The following ZNF618 variants were observed in gnomAD, a reference collection of about 807,000 sequenced individuals.
ZNF618 encodes the protein neural precursor cell expressed, developmentally down-regulated 10.
In ZNF618, 34 loss-of-function variants were observed where a neutral mutation model predicts 103.0. That is an observed-to-expected ratio of 0.33 (90% CI 0.25 to 0.44). The LOEUF (loss-of-function observed/expected upper bound fraction) is 0.44, where lower values mean the gene tolerates loss of function less well. ZNF618 is among the 20% of genes least tolerant of loss of function. The probability of loss-of-function intolerance (pLI) is 1.00; values close to 1 mark genes in which losing one functional copy is unlikely to be tolerated. For synonymous variants in ZNF618, 551 were observed against 542.2 expected, an observed-to-expected ratio of 1.02 and a Z score of -0.23; for missense variants, 1,059 against 1,295.4, an observed-to-expected ratio of 0.82 and a Z score of 2.80.
chr9:113,909,910 G>A (rs549074002), intron 1 of ZNF618, among the ~76,000 whole-genome samples: 2 of 151,902 alleles, frequency 1.3e-5, no homozygotes, highest in South Asian at 2.1e-4. Context: ...TCAGCCTCCC[G>A]AGTAGCTGGG....
chr9:113,882,509 A>G (rs1398156460), intron 1 of ZNF618, among the ~76,000 whole-genome samples: 1 of 152,212 alleles, frequency 6.6e-6, no homozygotes, highest in Non-Finnish European at 1.5e-5. Flanking sequence ...ATTAAGTCCC[A>G]CTGACAACAC....
At chr9:113,879,318 C>T (rs1828264438) in intron 1 of ZNF618, among the ~76,000 whole-genome samples, 1 of 150,032 alleles carries the variant, frequency 6.7e-6, no homozygotes, top group Non-Finnish European at 1.5e-5. Flanking sequence ...TTCCATTCTG[C>T]TGAAATTTTG....
Position 114,049,795 on chromosome 9 carries a change from G to A in ZNF618, c.2493G>A (p.Glu831=). 6.2e-7 allele frequency: 1 copy of A among 1,614,018 alleles called. No individual in the cohort carries two copies. Among genetic ancestry groups the A allele is most frequent in the African/African-American group, 1.3e-5 (1 of 75,078 alleles). ...QHEEIIGKVC[E]LINEVKESWA... is the part of the protein sequence containing the mutation. ...AGGAGATCATCGGCAAGGTCTGTGA[G>A]CTCATCAACGAGGTGAAGGAGTCCT... Residue 831 remains glutamate, a synonymous_variant, in exon 15 of 15, where the codon GAG becomes GAA. Transcript: ENST00000374126.
intron 1 of ZNF618, among the ~76,000 whole-genome samples, chr9:113,891,665 T>C (rs1829627837): frequency 6.6e-6 from 1 of 152,230 alleles, no homozygotes; most frequent in Non-Finnish European, 1.5e-5. Context: ...CACCCATGTT[T>C]ATTGCAGCAT....
intron 13 of ZNF618, among the ~76,000 whole-genome samples, chr9:114,040,422 T>A (rs900952201): frequency 4.2e-4 from 64 of 152,042 alleles, no homozygotes; most frequent in Non-Finnish European, 7.8e-4. Flanking sequence ...ATGTGCCAGG[T>A]TGGTGTGCTG....
Position 114,027,698 on chromosome 9 carries a change from G to A in ZNF618, c.845-1035G>A, listed in dbSNP as rs183033818. The stretch of plus-strand genomic sequence containing the variant: ...AGGACGGACGCTGTCTTAGGAGCAG[G>A]GAGATAATGGGGCCTGCCTCCACCT... On this transcript the variant is annotated intron_variant, in intron 10 of 14. Transcript: ENST00000374126. Among the ~76,000 whole-genome samples the A allele has an allele frequency of 3.4e-3, 518 of 152,294 alleles. 7 individuals are homozygous for A. The highest frequency in any genetic ancestry group is 5.4e-3 in the Non-Finnish European group (366 of 68,026).
chr9:113,883,632 T>C (rs1828734964), intron 1 of ZNF618, among the ~76,000 whole-genome samples: 1 of 152,202 alleles, frequency 6.6e-6, no homozygotes, highest in Admixed American at 6.5e-5. Flanking sequence ...AACCTTCTGT[T>C]TCTTGGCTTA....
chr9:114,014,938 T>C (rs7864263), intron 9 of ZNF618, among the ~76,000 whole-genome samples: 147,639 of 152,258 alleles, frequency 0.97, 71,683 homozygotes, highest in Non-Finnish European at 1. Flanking sequence ...TCCCATGAGC[T>C]TTTAGGTATC....
chr9:114,009,839 T>C (rs1842079550), intron 9 of ZNF618, among the ~76,000 whole-genome samples: 2 of 151,980 alleles, frequency 1.3e-5, no homozygotes, highest in South Asian at 4.2e-4. Flanking sequence ...CTCCCCCAAA[T>C]GCTTTTTCTT....
intron 1 of ZNF618, among the ~76,000 whole-genome samples, chr9:113,927,749 C>T (rs1006881008): frequency 5.3e-5 from 8 of 152,208 alleles, no homozygotes; most frequent in Non-Finnish European, 8.8e-5. Context: ...CCCTTGAGGG[C>T]AGGCTTTTGT....
chr9:114,038,926 G>A (rs1844873071), intron 13 of ZNF618, among the ~76,000 whole-genome samples: 1 of 152,182 alleles, frequency 6.6e-6, no homozygotes, highest in Non-Finnish European at 1.5e-5. Context: ...CTTGTTCTAA[G>A]ACTTTTACAT....
intron 14 of ZNF618, among the ~76,000 whole-genome samples, 171 bp from the exon 15 acceptor site, chr9:114,048,480 T>C (rs1362296293): frequency 6.6e-6 from 1 of 152,252 alleles, no homozygotes; most frequent in Non-Finnish European, 1.5e-5. Context: ...CATAGAACTT[T>C]ATCCCTGTGA....
intron 1 of ZNF618, among the ~76,000 whole-genome samples, chr9:113,942,813 C>T (rs935702596): frequency 6.6e-6 from 1 of 152,156 alleles, no homozygotes; most frequent in Non-Finnish European, 1.5e-5. Flanking sequence ...GCAACAAGAC[C>T]AGGCTCTGGC....
intron 2 of ZNF618, among the ~76,000 whole-genome samples, chr9:113,973,361 A>G (rs939264631): frequency 5.9e-5 from 9 of 152,104 alleles, no homozygotes; most frequent in Non-Finnish European, 1.0e-4. Context: ...GTCCGCTTTC[A>G]TCCCAGCGCC....
At chr9:114,042,648 A>G (rs1845312062) in intron 13 of ZNF618, among the ~76,000 whole-genome samples, 1 of 152,200 alleles carries the variant, frequency 6.6e-6, no homozygotes, top group African/African-American at 2.4e-5. Flanking sequence ...TGGTCACCAC[A>G]GCAATACTCT....
chr9:113,895,698 GT>G (rs1420290636), intron 1 of ZNF618, among the ~76,000 whole-genome samples: 1 of 152,108 alleles, frequency 6.6e-6, no homozygotes, highest in Non-Finnish European at 1.5e-5. Context: ...ACAATTTAGT[GT>G]TTTGTAAGAG....
At chr9:113,968,013 C>T (rs1364899634) in intron 1 of ZNF618, among the ~76,000 whole-genome samples, 3 of 152,150 alleles carry the variant, frequency 2.0e-5, no homozygotes, top group South Asian at 2.1e-4. Flanking sequence ...TGCAACTTCT[C>T]GTAAGCACTC....
At chr9:113,957,801 T>C (rs1464340246) in intron 1 of ZNF618, among the ~76,000 whole-genome samples, 3 of 116,192 alleles carry the variant, frequency 2.6e-5, no homozygotes, top group South Asian at 5.7e-4. Flanking sequence ...GAAGCAAAAG[T>C]TTCCTTTTTT....
chr9:113,988,852 G>T (rs1280916826), intron 3 of ZNF618, among the ~76,000 whole-genome samples: 1 of 152,198 alleles, frequency 6.6e-6, no homozygotes, highest in Non-Finnish European at 1.5e-5. Flanking sequence ...ACCTTCCGGG[G>T]GCCCAGTGAA....
Sources: allele counts gnomAD v4.1 joint callset (sites outside exome capture counted in the v4.1 genomes callset), GRCh38; gene constraint gnomAD v4.1.1; transcripts MANE v1.5; gene names NCBI Gene and HGNC (gene_info 2026-07-23, HGNC 2026-07-21).